Variants in LDB2 observed in about 807,000 individuals in gnomAD.
LDB2 encodes the protein LIM domain-binding protein 2.
LDB2 carries 12 observed loss-of-function variants against 44.3 expected under a neutral mutation model. The observed-to-expected ratio is 0.27, with a 90% confidence interval of 0.17 to 0.44. LDB2 has a LOEUF of 0.44. Among genes scored for constraint, LDB2 ranks in the 20% least tolerant of loss-of-function variants. The probability of loss-of-function intolerance (pLI) is 1.00; values close to 1 mark genes in which losing one functional copy is unlikely to be tolerated. For synonymous variants in LDB2, 164 were observed against 174.8 expected (o/e 0.94, Z 0.49); for missense variants, 344 against 473.5 (o/e 0.73, Z 2.54).
intron 5 of LDB2, among the ~76,000 whole-genome samples, chr4:16,525,973 A>C (rs1401597860): frequency 6.6e-6 from 1 of 152,214 alleles, no homozygotes; most frequent in Admixed American, 6.5e-5. Context: ...TGAGATCCAG[A>C]GAGGAGCCTG....
intron 1 of LDB2, among the ~76,000 whole-genome samples, chr4:16,821,834 C>T (rs1046689380): frequency 6.9e-6 from 1 of 144,640 alleles, no homozygotes; most frequent in Non-Finnish European, 1.5e-5. Flanking sequence ...TCATTTTCTA[C>T]AGTGAAACTA....
chr4:16,519,595 A>G (rs564366506), intron 5 of LDB2, among the ~76,000 whole-genome samples: 1 of 150,032 alleles, frequency 6.7e-6, no homozygotes, highest in East Asian at 2.2e-4. Flanking sequence ...TTGAACCCAG[A>G]TGAATCTGGT....
intron 1 of LDB2, among the ~76,000 whole-genome samples, chr4:16,877,215 T>C (rs13123337): frequency 0.24 from 36,989 of 152,174 alleles, 5,340 homozygotes; most frequent in East Asian, 0.69. Flanking sequence ...GACTTTCAAC[T>C]GGAGCTTCAA....
At chr4:16,895,636 G>A (rs1046950225) in intron 1 of LDB2, among the ~76,000 whole-genome samples, 22 of 152,062 alleles carry the variant, frequency 1.4e-4, no homozygotes, top group Admixed American at 9.8e-4. Flanking sequence ...GAGGAAGAGA[G>A]AGATGGAAGA....
intron 1 of LDB2, among the ~76,000 whole-genome samples, chr4:16,859,440 T>A (rs772738122): frequency 6.6e-6 from 1 of 152,224 alleles, no homozygotes; most frequent in Non-Finnish European, 1.5e-5. Context: ...AGTATGGCAA[T>A]ACTGAAGCTG....
chr4:16,689,577 TAA>T (rs1750127119), intron 2 of LDB2, among the ~76,000 whole-genome samples: 1 of 152,230 alleles, frequency 6.6e-6, no homozygotes, highest in Admixed American at 6.5e-5. Flanking sequence ...GTTCAAATCC[TAA>T]CTCTTCCACT....
Position 16,848,618 on chromosome 4 carries a change from G to A in LDB2, c.132+49736C>T, listed in dbSNP as rs376204630. Among the ~76,000 whole-genome samples, 5 of 152,178 alleles carry A rather than the reference G, an allele frequency of 3.3e-5. No individual in the cohort carries two copies. The South Asian group carries it at 6.2e-4, about 19-fold the overall frequency. On this transcript the variant is annotated intron_variant, in intron 1 of 7. Transcript: ENST00000304523. ...ACAGGATTTTAGCAGAAGCTGCAGC[G>A]TCATACACTAAAACAAAAGAAATAA...
intron 5 of LDB2, among the ~76,000 whole-genome samples, chr4:16,580,975 G>T (rs1714139222): frequency 6.6e-6 from 1 of 152,138 alleles, no homozygotes; most frequent in Non-Finnish European, 1.5e-5. Flanking sequence ...TCACATGCAA[G>T]AATTTCATAT....
chr4:16,547,545 G>A (rs927712831), intron 5 of LDB2, among the ~76,000 whole-genome samples: 3 of 152,254 alleles, frequency 2.0e-5, no homozygotes, highest in Admixed American at 2.0e-4. Context: ...ATGTCTTACA[G>A]ACAGCTCCTT....
chr4:16,661,666 G>C (rs1378397323), intron 2 of LDB2, among the ~76,000 whole-genome samples: 1 of 152,070 alleles, frequency 6.6e-6, no homozygotes, highest in Non-Finnish European at 1.5e-5. Context: ...CATTACAGAT[G>C]CCTTTGGCCC....
chr4:16,752,514 C>A, intron 2 of LDB2: 1 of 414,962 alleles, frequency 2.4e-6, no homozygotes, highest in Non-Finnish European at 4.7e-6. Flanking sequence ...GAGTTCTTCC[C>A]ACTATGTGCC....
chr4:16,893,027 A>G lies in LDB2; in HGVS notation c.132+5327T>C, dbSNP rs188653142. The G allele has an allele frequency of 3.9e-4, 325 of 830,012 alleles. 1 individual carries two copies. Among genetic ancestry groups the G allele is most frequent in the Middle Eastern group, 1.2e-3 (2 of 1,630 alleles). The allele number at this position is 830,012 out of a possible 1,614,324, so 51.4% of individuals were successfully genotyped here. On this transcript the variant is annotated intron_variant, in intron 1 of 7. Transcript: ENST00000304523. ...AGTTCCCATAGTAAGAAAATGGGGG[A>G]AAAAAAAGACTTCAAGAAAATAAAA...
intron 2 of LDB2, among the ~76,000 whole-genome samples, chr4:16,685,846 C>T (rs958940797): frequency 1.4e-4 from 22 of 151,942 alleles, no homozygotes; most frequent in African/African-American, 4.4e-4. Flanking sequence ...GTCAGGAGTT[C>T]GCAACCAGCC....
intron 5 of LDB2, 88 bp from the exon 6 acceptor site, chr4:16,512,192 G>A: frequency 8.4e-7 from 1 of 1,191,724 alleles, no homozygotes. Context: ...CAAGTAGACA[G>A]CTTTGAGAAT....
intron 2 of LDB2, among the ~76,000 whole-genome samples, chr4:16,659,365 C>T (rs1038532015): frequency 1.5e-4 from 23 of 152,230 alleles, no homozygotes; most frequent in African/African-American, 5.5e-4. Context: ...GGCATGGCCT[C>T]ACCACTGAAG....
intron 5 of LDB2, among the ~76,000 whole-genome samples, chr4:16,567,507 TAG>T (rs1261672761): frequency 6.6e-6 from 1 of 152,106 alleles, no homozygotes; most frequent in Non-Finnish European, 1.5e-5. Context: ...TGCCTCTCTC[TAG>T]AGAGGGGAAC....
rs77357567 is a variant in LDB2, at chr4:16,758,131, T to C, written c.235+1027A>G. On this transcript the variant is annotated intron_variant, in intron 2 of 7. Coordinates refer to ENST00000304523, the MANE Select transcript of LDB2 (RefSeq NM_001290.5). ...TTAATTATGCAATTGATTCTACTAG[T>C]ATAGTTGCTAATAGTATGCAAATAG... 6.7e-3 allele frequency among the ~76,000 whole-genome samples: 1,018 copies of C among 152,328 alleles called. 10 individuals are homozygous for C. The highest frequency in any genetic ancestry group is 0.023 in the African/African-American group (969 of 41,576).
intron 7 of LDB2, among the ~76,000 whole-genome samples, chr4:16,503,623 C>T (rs1178456917): frequency 1.3e-5 from 2 of 152,182 alleles, no homozygotes. Context: ...GTGCCTGTCA[C>T]CTATCACCAC....
chr4:16,560,631 C>A (rs1237717905), intron 5 of LDB2, among the ~76,000 whole-genome samples: 2 of 152,128 alleles, frequency 1.3e-5, no homozygotes, highest in African/African-American at 4.8e-5. Flanking sequence ...CGAATTCTAC[C>A]AGAGGTACAA....
Sources: allele counts gnomAD v4.1 joint callset (sites outside exome capture counted in the v4.1 genomes callset), GRCh38; gene constraint gnomAD v4.1.1; transcripts MANE v1.5; gene names NCBI Gene and HGNC (gene_info 2026-07-23, HGNC 2026-07-21).